Variants in CTNNA1 observed in about 807,000 individuals in gnomAD.
CTNNA1 encodes the protein catenin alpha 1.
In CTNNA1, 37 loss-of-function variants were observed where a neutral mutation model predicts 98.4. The ratio of observed to expected loss-of-function variants is 0.38; its 90% CI spans 0.29 to 0.49. CTNNA1 has a LOEUF of 0.49. Ranked by LOEUF, CTNNA1 falls within the 20% of genes least tolerant of loss-of-function variation. The probability of loss-of-function intolerance (pLI) is 0.95; values close to 1 mark genes in which losing one functional copy is unlikely to be tolerated. For missense variants in CTNNA1, 761 were observed against 1,147.2 expected (o/e 0.66, Z 4.86); for synonymous variants, 404 against 413.2 (o/e 0.98, Z 0.27).
At chr5:138,884,459 A>G (rs1753595788) in intron 7 of CTNNA1, among the ~76,000 whole-genome samples, 3 of 152,236 alleles carry the variant, frequency 2.0e-5, no homozygotes, top group Admixed American at 6.5e-5. Flanking sequence ...GAGATTCTCT[A>G]CAGAATGTAG....
chr5:138,863,622 A>G (rs1221998126), intron 7 of CTNNA1, among the ~76,000 whole-genome samples: 5 of 152,228 alleles, frequency 3.3e-5, no homozygotes, highest in Non-Finnish European at 7.3e-5. Context: ...GAGAACACGT[A>G]TGATTATCAT....
At chr5:138,784,550 T>C (rs893118642) in intron 3 of CTNNA1, among the ~76,000 whole-genome samples, 1 of 152,214 alleles carries the variant, frequency 6.6e-6, no homozygotes, top group Admixed American at 6.5e-5. Flanking sequence ...ATACTGAAAA[T>C]GATGAAATTA....
At chr5:138,832,675 TTTC>T (rs1048995466) in intron 7 of CTNNA1, among the ~76,000 whole-genome samples, 2 of 152,340 alleles carry the variant, frequency 1.3e-5, no homozygotes, top group East Asian at 1.9e-4. Context: ...GTTTTTTTCT[TTTC>T]TTCTTCTATG....
intron 3 of CTNNA1, among the ~76,000 whole-genome samples, chr5:138,792,486 A>T (rs1756487259): frequency 6.6e-6 from 1 of 152,228 alleles, no homozygotes; most frequent in Non-Finnish European, 1.5e-5. Context: ...CAAAGCACGT[A>T]TCAGTGACTG....
At position 138,824,733 on chromosome 5, in the gene CTNNA1, A is replaced by G. The variant is rs1581168040; in HGVS notation, c.792A>G (p.Ser264=). 1.9e-6 allele frequency: 3 copies of G among 1,614,232 alleles called. No homozygotes were observed. Among genetic ancestry groups the G allele is most frequent in the Middle Eastern group, 1.6e-4 (1 of 6,062 alleles). Residue 264 remains serine, a synonymous_variant, in exon 6 of 18, where the codon TCA becomes TCG. Coordinates refer to ENST00000302763, the MANE Select transcript of CTNNA1 (RefSeq NM_001903.5). ...CCAATGCAGCCCAGGCCACTGCCTC[A>G]GACGATGCCTCACAGCACCAGGGTG... ...GISNAAQATA[S]DDASQHQGGG...
At chr5:138,826,536 G>C (rs557742413) in intron 6 of CTNNA1, among the ~76,000 whole-genome samples, 20 of 152,262 alleles carry the variant, frequency 1.3e-4, no homozygotes, top group African/African-American at 4.3e-4. Context: ...GGGAAGGGGA[G>C]ACAGAAAAAG....
intron 10 of CTNNA1, among the ~76,000 whole-genome samples, chr5:138,908,530 TGGCG>T (rs1423363608): frequency 6.6e-6 from 1 of 151,902 alleles, no homozygotes; most frequent in Non-Finnish European, 1.5e-5. Flanking sequence ...CTGGGCATGA[TGGCG>T]TGCACTTGTA....
At chr5:138,807,749 TTA>T (rs199826224) in intron 3 of CTNNA1, among the ~76,000 whole-genome samples, 23 of 151,858 alleles carry the variant, frequency 1.5e-4, no homozygotes, top group Admixed American at 6.5e-4. Flanking sequence ...AAGACAGTAT[TTA>T]TATATATATA....
intron 7 of CTNNA1, among the ~76,000 whole-genome samples, chr5:138,831,173 AG>A (rs1761242891): frequency 6.6e-6 from 1 of 152,096 alleles, no homozygotes; most frequent in African/African-American, 2.4e-5. Context: ...ACATTCGTAA[AG>A]TGTCTTCTTT....
chr5:138,770,796 C>T (rs1292325886), intron 1 of CTNNA1, among the ~76,000 whole-genome samples: 1 of 151,940 alleles, frequency 6.6e-6, no homozygotes, highest in Non-Finnish European at 1.5e-5. Context: ...ACTAAAAATA[C>T]AAAAAATTAG....
Position 138,873,623 on chromosome 5 carries a change from C to T in CTNNA1, c.1063-12589C>T. On this transcript the variant is annotated intron_variant, in intron 7 of 17. Transcript: ENST00000302763. This position sits in a 1 kb window ranked among gnomAD's most constrained non-coding sequence, Gnocchi z 6.1. ...AGCACATATTCGGGCGCTGCATTCCCACAGATTGCCAGAGAGACCAACGGT... is the reference window on the plus strand; with the variant it reads ...AGCACATATTCGGGCGCTGCATTCCTACAGATTGCCAGAGAGACCAACGGT... The T allele has an allele frequency of 6.2e-7, 1 of 1,614,018 alleles. No individual in the cohort carries two copies. The highest frequency in any genetic ancestry group is 1.3e-5 in the African/African-American group (1 of 75,052).
Position 138,783,249 on chromosome 5 carries a change from G to A in CTNNA1, c.178G>A (p.Val60Ile). ...KKRGRSKKAHVLAASVEQATE... is the reference protein window; with the variant it reads ...KKRGRSKKAHILAASVEQATE... ...GAGAGGTCGTTCTAAGAAGGCCCATGTTTTGGCTGCATCTGTTGAACAAGC... is the reference window on the plus strand; with the variant it reads ...GAGAGGTCGTTCTAAGAAGGCCCATATTTTGGCTGCATCTGTTGAACAAGC... The change falls in exon 3 of 18, where the codon GTT (valine) becomes ATT (isoleucine). Residue 60 changes from valine to isoleucine, a missense_variant. Physicochemically the swap from Val to Ile is conservative, Grantham distance 29. This residue lies in a region of CTNNA1 where 328 missense variants were observed against 354.3 expected (regional missense o/e 0.93). Coordinates refer to ENST00000302763, the MANE Select transcript of CTNNA1 (RefSeq NM_001903.5). 1 of 1,614,134 alleles carries A rather than the reference G, an allele frequency of 6.2e-7. No individual in the cohort carries two copies. Among genetic ancestry groups the A allele is most frequent in the Non-Finnish European group, 8.5e-7 (1 of 1,179,996 alleles).
chr5:138,892,554 T>C (rs1312182485), intron 9 of CTNNA1, among the ~76,000 whole-genome samples: 1 of 151,468 alleles, frequency 6.6e-6, no homozygotes, highest in African/African-American at 2.4e-5. Flanking sequence ...GCCAGGCTAG[T>C]CTCGAACTCC....
intron 5 of CTNNA1, among the ~76,000 whole-genome samples, chr5:138,820,501 G>T (rs1205250900): frequency 1.3e-5 from 2 of 152,090 alleles, no homozygotes; most frequent in African/African-American, 4.8e-5. Flanking sequence ...TGTGTCCAAG[G>T]TGTTGATGGG....
chr5:138,767,714 T>G (rs958978630), intron 1 of CTNNA1, among the ~76,000 whole-genome samples: 1 of 152,216 alleles, frequency 6.6e-6, no homozygotes, highest in Non-Finnish European at 1.5e-5. Flanking sequence ...TTTTCAAATT[T>G]TCTCAATTAC....
At chr5:138,787,709 T>TC (rs1755864669) in intron 3 of CTNNA1, among the ~76,000 whole-genome samples, 1 of 152,214 alleles carries the variant, frequency 6.6e-6, no homozygotes, top group Admixed American at 6.5e-5. Flanking sequence ...GTCCATTGCT[T>TC]CCCGTGCAAT....
At chr5:138,894,768 C>T (rs1255058290) in intron 9 of CTNNA1, among the ~76,000 whole-genome samples, 2 of 152,134 alleles carry the variant, frequency 1.3e-5, no homozygotes, top group Non-Finnish European at 2.9e-5. Flanking sequence ...AATCCAGATT[C>T]TCAACCATGG....
intron 7 of CTNNA1, among the ~76,000 whole-genome samples, chr5:138,879,125 G>T (rs912975822): frequency 7.2e-5 from 10 of 138,984 alleles, no homozygotes; most frequent in African/African-American, 2.2e-4. Context: ...CAGGAGAATC[G>T]CTTGAACCAG....
Position 138,895,506 on chromosome 5 carries a change from G to T in CTNNA1, c.1296+7864G>T, listed in dbSNP as rs553353907. Among the ~76,000 whole-genome samples, 30 of 151,672 alleles carry T rather than the reference G, an allele frequency of 2.0e-4. No individual in the cohort carries two copies. In the East Asian group the frequency reaches 2.7e-3, roughly 14 times the overall value. ...GACATTGATTTGAGCAGTTTTTTGG[G>T]GGGGGGGATGGGAGTGGCTAGAATG... is the stretch of plus-strand genomic sequence containing the variant. On this transcript the variant is annotated intron_variant, in intron 9 of 17. Coordinates refer to ENST00000302763, the MANE Select transcript of CTNNA1 (RefSeq NM_001903.5).
Sources: gnomAD v4.1 joint callset for allele counts (sites outside exome capture counted in the v4.1 genomes callset) on GRCh38, gnomAD v4.1.1 for gene constraint, gnomAD v4.1.1 regional missense constraint, Gnocchi (gnomAD v3.1) non-coding constraint, MANE v1.5 for transcripts, NCBI Gene and HGNC (gene_info 2026-07-23, HGNC 2026-07-21) for gene names.